Variants in TCF12 observed in about 807,000 individuals in gnomAD.
TCF12 encodes DNA-binding protein HTF4.
A neutral mutation model predicts 86.0 loss-of-function variants in TCF12; 45 were observed. The observed-to-expected ratio is 0.52, with a 90% CI of 0.41 to 0.67. TCF12 has a LOEUF of 0.67. Ranked by LOEUF, TCF12 falls within the 30% of genes least tolerant of loss-of-function variation. The pLI is 0.00. For synonymous variants in TCF12, 330 were observed against 299.6 expected, an observed-to-expected ratio of 1.10 and a Z score of -1.05; for missense variants, 881 against 859.9, an observed-to-expected ratio of 1.02 and a Z score of -0.31.
At chr15:57,000,061 A>G (rs2063932840) in intron 3 of TCF12, among the ~76,000 whole-genome samples, 1 of 152,038 alleles carries the variant, frequency 6.6e-6, no homozygotes, top group African/African-American at 2.4e-5. Flanking sequence ...CATAACTAGG[A>G]GTATTCATTC....
At chr15:57,252,218 G>A (rs1325997190) in intron 14 of TCF12, 4 of 433,406 alleles carry the variant, frequency 9.2e-6, no homozygotes, top group African/African-American at 2.0e-5. Flanking sequence ...GCAATTATAA[G>A]CAATGTGTGC....
chr15:56,963,144 A>G (rs1414737931), intron 3 of TCF12, among the ~76,000 whole-genome samples: 1 of 148,500 alleles, frequency 6.7e-6, no homozygotes, highest in Non-Finnish European at 1.5e-5. Flanking sequence ...CTTTTCTATT[A>G]TAGTACTTGT....
At chr15:57,109,403 A>T (rs1345375548) in intron 5 of TCF12, 1 of 152,228 alleles carries the variant, frequency 6.6e-6, no homozygotes, top group African/African-American at 2.4e-5. Flanking sequence ...AGGCAGTTAG[A>T]AGTCTGCACA....
At chr15:56,955,689 C>T (rs925398271) in intron 3 of TCF12, among the ~76,000 whole-genome samples, 1 of 152,180 alleles carries the variant, frequency 6.6e-6, no homozygotes, top group Non-Finnish European at 1.5e-5. Flanking sequence ...TCTGTATGAA[C>T]TTGAAAATGT....
At chr15:57,078,521 T>A (rs1392641377) in intron 4 of TCF12, among the ~76,000 whole-genome samples, 3 of 152,212 alleles carry the variant, frequency 2.0e-5, no homozygotes, top group African/African-American at 7.2e-5. Context: ...AGGCAAAGGC[T>A]TTTATTTATT....
intron 3 of TCF12, among the ~76,000 whole-genome samples, chr15:57,055,098 A>T (rs560934750): frequency 1.5e-4 from 23 of 152,110 alleles, no homozygotes; most frequent in Middle Eastern, 3.4e-3. Flanking sequence ...TCTTCCTCTG[A>T]TAACATTATC....
chr15:56,923,955 G>C (rs547426743), intron 3 of TCF12, among the ~76,000 whole-genome samples: 1 of 151,828 alleles, frequency 6.6e-6, no homozygotes, highest in African/African-American at 2.4e-5. Context: ...ATTGTAGGAA[G>C]TATTTTCTGG....
At chr15:57,006,250 A>G (rs372567140) in intron 3 of TCF12, among the ~76,000 whole-genome samples, 7 of 152,174 alleles carry the variant, frequency 4.6e-5, no homozygotes, top group African/African-American at 1.7e-4. Context: ...ATTCTCACGG[A>G]CTATACTTAT....
At chr15:56,971,732 T>C (rs1293330740) in intron 3 of TCF12, among the ~76,000 whole-genome samples, 1 of 152,230 alleles carries the variant, frequency 6.6e-6, no homozygotes, top group Non-Finnish European at 1.5e-5. Context: ...TCTGGAATTT[T>C]CCATTTAATA....
chr15:57,247,141 T>C, intron 13 of TCF12: 3 of 561,728 alleles, frequency 5.3e-6, no homozygotes, highest in South Asian at 4.9e-5. Flanking sequence ...CCTCCTTCAC[T>C]CCACCGTCAC....
chr15:57,253,314 T>C lies in TCF12; in HGVS notation c.1313T>C (p.Leu438Pro). ...AGACTGGATGATGCAATCCATGTGC[T>C]GCGGAACCATGCTGTGGGACCTTCC... ...LDRLDDAIHV[L>P]RNHAVGPSTS... Residue 438 changes from leucine (L) to proline (P), a missense_variant, in exon 16 of 21, where the codon CTG becomes CCG. Leu to Pro is a moderately conservative substitution (Grantham distance 98). This residue lies in a region of TCF12 where 766 missense variants were observed against 718.9 expected (regional missense o/e 1.07). Transcript: ENST00000333725. 2 of 1,614,114 alleles carry C rather than the reference T, an allele frequency of 1.2e-6. No individual in the cohort carries two copies. The highest frequency in any genetic ancestry group is 1.3e-5 in the African/African-American group (1 of 75,048).
chr15:57,171,125 G>A (rs1298651894), intron 6 of TCF12, among the ~76,000 whole-genome samples: 1 of 151,588 alleles, frequency 6.6e-6, no homozygotes, highest in African/African-American at 2.4e-5. Flanking sequence ...GGAGAGATCA[G>A]GAAGGCCTAT....
At chr15:57,089,610 G>A (rs1254841005) in intron 4 of TCF12, among the ~76,000 whole-genome samples, 2 of 146,218 alleles carry the variant, frequency 1.4e-5, no homozygotes, top group East Asian at 4.0e-4. Flanking sequence ...TTTAACTGTA[G>A]TGTTTTTACT....
chr15:57,151,480 CT>C (rs2053754771), intron 5 of TCF12, among the ~76,000 whole-genome samples: 2 of 152,016 alleles, frequency 1.3e-5, no homozygotes, highest in African/African-American at 4.8e-5. Context: ...AAGAATGCTG[CT>C]TTTGGCCAGG....
chr15:56,938,729 A>G (rs1302767222), intron 3 of TCF12, among the ~76,000 whole-genome samples: 2 of 149,560 alleles, frequency 1.3e-5, no homozygotes, highest in Non-Finnish European at 3.0e-5. Flanking sequence ...CCTTCATGAC[A>G]TCATCTAGCC....
intron 3 of TCF12, among the ~76,000 whole-genome samples, chr15:57,028,409 G>A (rs1367255995): frequency 6.6e-6 from 1 of 152,100 alleles, no homozygotes; most frequent in Non-Finnish European, 1.5e-5. Flanking sequence ...TTTAAGTTTT[G>A]TTATTCATGT....
At chr15:57,206,295 G>T (rs2151792173) in intron 8 of TCF12, among the ~76,000 whole-genome samples, 1 of 152,234 alleles carries the variant, frequency 6.6e-6, no homozygotes, top group South Asian at 2.1e-4. Context: ...TAGCTCAGAA[G>T]TTTGAGACCA....
chr15:57,206,582 C>CTTTTTTTTTT (rs67531540), intron 8 of TCF12, among the ~76,000 whole-genome samples: 54 of 83,822 alleles, frequency 6.4e-4, no homozygotes, highest in Non-Finnish European at 6.9e-4. Context: ...CTTGTATTCT[C>CTTTTTTTTTT]TTTTTTTTTT....
At chr15:57,257,637 G>A (rs1244574796) in intron 16 of TCF12, among the ~76,000 whole-genome samples, 3 of 147,210 alleles carry the variant, frequency 2.0e-5, no homozygotes, top group Non-Finnish European at 3.0e-5. Flanking sequence ...GTTGAGCCTG[G>A]ACAACAGAGT....
Sources: gnomAD v4.1 joint callset for allele counts (sites outside exome capture counted in the v4.1 genomes callset) on GRCh38, gnomAD v4.1.1 for gene constraint, gnomAD v4.1.1 regional missense constraint, MANE v1.5 for transcripts, NCBI Gene and HGNC (gene_info 2026-07-23, HGNC 2026-07-21) for gene names.